The following ZNF132 variants were observed in gnomAD, a reference collection of about 807,000 sequenced individuals.
ZNF132 encodes the protein zinc finger protein 132, also known as zinc finger protein 132 (clone pHZ-12).
Under a neutral mutation model 9.3 loss-of-function variants are expected in ZNF132, and 6 were observed. The observed-to-expected ratio is 0.65, with a 90% CI of 0.35 to 1.28. ZNF132 has a LOEUF of 1.28. Ranked by LOEUF, ZNF132 falls within the 50% of genes most tolerant of loss-of-function variation. The pLI, the probability that ZNF132 is intolerant of heterozygous loss-of-function variation, is 0.03. For missense variants in ZNF132, 877 were observed against 843.2 expected, an observed-to-expected ratio of 1.04 and a Z score of -0.50; for synonymous variants, 296 against 292.0, an observed-to-expected ratio of 1.01 and a Z score of -0.14.
Position 58,434,538 on chromosome 19 carries a change from G to C in ZNF132, c.906C>G (p.His302Gln). 1.2e-6 allele frequency: 2 copies of C among 1,614,176 alleles called. No homozygotes were observed. The highest frequency in any genetic ancestry group is 8.5e-7 in the Non-Finnish European group (1 of 1,180,032). ...VCKECGKAFS[H>Q]SSKLRKHQKF... ...TCTGGTGCTTCCTCAGCTTAGATGA[G>C]TGACTAAAGGCCTTCCCACACTCCT... is the stretch of plus-strand genomic sequence containing the variant. The change falls in exon 3 of 3, where the codon CAC (histidine) becomes CAG (glutamine). Residue 302 changes from histidine (H) to glutamine (Q), a missense_variant. His to Gln is a conservative substitution (Grantham distance 24). Coordinates refer to ENST00000254166, the MANE Select transcript of ZNF132 (RefSeq NM_003433.4).
At chr19:58,438,312 C>T (rs555855559) in intron 1 of ZNF132, among the ~76,000 whole-genome samples, 40 of 152,178 alleles carry the variant, frequency 2.6e-4, no homozygotes, top group African/African-American at 9.2e-4. Flanking sequence ...AGCCTAAACC[C>T]GACATAATTT....
Position 58,436,960 on chromosome 19 carries a change from G to T in ZNF132, c.232+87C>A, listed in dbSNP as rs771502122. 11 of 1,581,308 alleles carry T rather than the reference G, an allele frequency of 7.0e-6. No homozygotes were observed. The South Asian group carries it at 1.2e-4, about 18-fold the overall frequency. On this transcript the variant is annotated intron_variant, in intron 2 of 2. Transcript: ENST00000254166. ...AACCCGAGAAGGAAGCAGTACCCAT[G>T]ATCTGGCTTTGGGATGAACAGAGCT...
In ZNF132 at chr19:58,434,223, TTGAC is replaced by T. The variant is rs757567579; in HGVS notation, c.1217_1220del (p.Ser406AsnfsTer124). 2.7e-5 allele frequency: 43 copies of T among 1,613,846 alleles called. No homozygotes were observed. The highest frequency in any genetic ancestry group is 3.6e-5 in the Non-Finnish European group (43 of 1,180,036). On this transcript the variant is annotated frameshift_variant, in exon 3 of 3. Transcript: ENST00000254166. LOFTEE classifies it low-confidence loss of function (END_TRUNC). ...AGCTTCGGCTGAAGGATTTACCACA[TTGAC>T]TGCACTCATAAGGTCTTACCTGTGT...
chr19:58,437,719 G>A, intron 1 of ZNF132: 1 of 985,280 alleles, frequency 1.0e-6, no homozygotes, highest in Non-Finnish European at 1.2e-6. Context: ...CCATGCACAT[G>A]GCATACCTGA....
intron 1 of ZNF132, among the ~76,000 whole-genome samples, chr19:58,439,133 C>T (rs1308001686): frequency 6.6e-6 from 1 of 152,152 alleles, no homozygotes; most frequent in Non-Finnish European, 1.5e-5. Context: ...ATCCATGGCC[C>T]AGTTTGGGCA....
chr19:58,440,067 C>T lies in ZNF132; in HGVS notation c.-246G>A, dbSNP rs2052794571. The T allele has an allele frequency of 3.8e-6, 2 of 523,082 alleles. No individual in the cohort carries two copies. The highest frequency in any genetic ancestry group is 6.7e-6 in the Non-Finnish European group (2 of 300,480). 32.4% of individuals were successfully genotyped at this position (523,082 alleles called of 1,614,324 possible). A position where few individuals can be genotyped will look rare whatever the true frequency, so the allele number is the denominator to read the frequency against. ...TATGGTGCGTGTGAAGGCGCGGTGA[C>T]GGTCCCTGCACCCACTCCCGTGCCC... On this transcript the variant is annotated 5_prime_UTR_variant, in exon 1 of 3. Coordinates refer to ENST00000254166, the MANE Select transcript of ZNF132 (RefSeq NM_003433.4).
rs2052777401 is a variant in ZNF132 at position 58,437,063 on chromosome 19, C to T, written c.216G>A (p.Glu72=). ...GGGCATTACCAAGTGAGGTCACAAG[C>T]TCAAGGTTTTCCAGCATCACACTGT... The part of the protein sequence containing the change: ...LYHSVMLENL[E]LVTSLGSWHG... The change falls in exon 2 of 3, where the codon GAG becomes GAA. Residue 72 remains glutamate, a synonymous_variant. Coordinates refer to ENST00000254166, the MANE Select transcript of ZNF132 (RefSeq NM_003433.4). 1 of 1,614,106 alleles carries T rather than the reference C, an allele frequency of 6.2e-7. No individual in the cohort carries two copies. Among genetic ancestry groups the T allele is most frequent in the South Asian group, 1.1e-5 (1 of 91,074 alleles).
rs1204533329 is a variant in ZNF132, at chr19:58,438,163, C to T, written c.64-948G>A. Among the ~76,000 whole-genome samples the T allele has an allele frequency of 4.6e-5, 7 of 152,294 alleles. No homozygotes were observed. The South Asian group carries it at 6.2e-4, about 14-fold the overall frequency. ...CAAATCAACCTAAACCAAAGCCCAACTCTCATCCTACTTTTGCCGCTATGC... is the reference window on the plus strand; with the variant it reads ...CAAATCAACCTAAACCAAAGCCCAATTCTCATCCTACTTTTGCCGCTATGC... On this transcript the variant is annotated intron_variant, in intron 1 of 2. Coordinates refer to ENST00000254166, the MANE Select transcript of ZNF132 (RefSeq NM_003433.4).
rs1038570198 is a variant in ZNF132 at position 58,434,741 on chromosome 19, G to A, written c.703C>T (p.Leu235Phe). ...TTTCCACAGTTGCTGCACTCGAAGAGTTTCTGTGTGGTACAGACTTCTGGA... is the reference window on the plus strand; with the variant it reads ...TTTCCACAGTTGCTGCACTCGAAGAATTTCTGTGTGGTACAGACTTCTGGA... Reference protein sequence around the residue: ...QLPEVCTTQKLFECSNCGKAF... With the variant: ...QLPEVCTTQKFFECSNCGKAF... The change falls in exon 3 of 3, where the codon CTC becomes TTC. Residue 235 changes from leucine (L) to phenylalanine (F), a missense_variant. By Grantham distance (22) the Leu-to-Phe change is conservative. Transcript: ENST00000254166. 4.3e-6 allele frequency: 7 copies of A among 1,614,224 alleles called. No homozygotes were observed. Among genetic ancestry groups the A allele is most frequent in the Non-Finnish European group, 5.1e-6 (6 of 1,180,044 alleles).
chr19:58,436,692 AGG>A (rs1354346532), intron 2 of ZNF132, among the ~76,000 whole-genome samples: 9 of 146,286 alleles, frequency 6.2e-5, no homozygotes, highest in Admixed American at 4.8e-4. Flanking sequence ...AAAAAAAAAA[AGG>A]AAAAAAAAAT....
rs772963141 is a variant in ZNF132, at chr19:58,433,421, T to G, written c.2023A>C (p.Lys675Gln). 3.1e-6 allele frequency: 5 copies of G among 1,614,186 alleles called. No individual in the cohort carries two copies. The highest frequency in any genetic ancestry group is 1.6e-4 in the Middle Eastern group (1 of 6,062). Residue 675 changes from lysine to glutamine, a missense_variant, in exon 3 of 3, where the codon AAA (lysine) becomes CAA (glutamine). Physicochemically the swap from Lys to Gln is moderately conservative, Grantham distance 53. Coordinates refer to ENST00000254166, the MANE Select transcript of ZNF132 (RefSeq NM_003433.4). The stretch of plus-strand genomic sequence containing the variant: ...TAAGTCCTTTCTCTGGTGTGAACTT[T>G]CTGGTGCCGAACAAGTGTAGATCTT... ...SERSTLVRHQ[K>Q]VHTRERTYEC... is the part of the protein sequence containing the mutation.
At chr19:58,439,648 G>C in intron 1 of ZNF132, 111 bp downstream of exon 1, 1 of 1,215,900 alleles carries the variant, frequency 8.2e-7, no homozygotes, top group Non-Finnish European at 1.1e-6. Context: ...CCACGTGTGA[G>C]GACAGGACAC....
chr19:58,434,550 C>T lies in ZNF132; in HGVS notation c.894G>A (p.Lys298=), dbSNP rs1427149838. ...EIPHVCKECG[K]AFSHSSKLRK... ...TCAGCTTAGATGAGTGACTAAAGGC[C>T]TTCCCACACTCCTTACACACATGGG... The change falls in exon 3 of 3, where the codon AAG becomes AAA. Residue 298 remains lysine (K), a synonymous_variant. Transcript: ENST00000254166. The T allele has an allele frequency of 1.2e-6, 2 of 1,614,140 alleles. No individual in the cohort carries two copies. The highest frequency in any genetic ancestry group is 1.7e-5 in the Admixed American group (1 of 60,016).
At chr19:58,435,387 C>A (rs1055033093) in intron 2 of ZNF132, 176 bp from the exon 3 acceptor site, 3 of 702,230 alleles carry the variant, frequency 4.3e-6, no homozygotes, top group Admixed American at 6.0e-5. Context: ...GGATAGGGAC[C>A]AGCCAAGCAA....
chr19:58,435,492 G>T, intron 2 of ZNF132: 1 of 308,198 alleles, frequency 3.2e-6, no homozygotes, highest in Non-Finnish European at 6.0e-6. Context: ...TACACAAATG[G>T]CCAATAAGCA....
At chr19:58,438,153 C>T (rs1186316815) in intron 1 of ZNF132, among the ~76,000 whole-genome samples, 1 of 152,160 alleles carries the variant, frequency 6.6e-6, no homozygotes, top group African/African-American at 2.4e-5. Context: ...CAACCTAAAC[C>T]AAAGCCCAAC....
chr19:58,437,685 G>A (rs920091225), intron 1 of ZNF132: 7 of 982,026 alleles, frequency 7.1e-6, no homozygotes, highest in African/African-American at 1.7e-5. Flanking sequence ...TGTTCACACT[G>A]TAGGCATTCT....
intron 1 of ZNF132, 136 bp from the exon 2 acceptor site, chr19:58,437,351 A>T: frequency 9.6e-7 from 1 of 1,041,694 alleles, no homozygotes; most frequent in Non-Finnish European, 1.3e-6. Flanking sequence ...ACCCATCCAC[A>T]GCTTATCTTC....
chr19:58,438,712 A>T (rs1469107007), intron 1 of ZNF132, among the ~76,000 whole-genome samples: 1 of 150,388 alleles, frequency 6.6e-6, no homozygotes, highest in African/African-American at 2.5e-5. Context: ...TGACCTAGTG[A>T]TCCACCTGCC....
Sources: allele counts gnomAD v4.1 joint callset (sites outside exome capture counted in the v4.1 genomes callset), GRCh38; gene constraint gnomAD v4.1.1; transcripts MANE v1.5; gene names NCBI Gene and HGNC (gene_info 2026-07-23, HGNC 2026-07-21).